Variants in SUV39H2 observed in about 807,000 individuals in gnomAD.
SUV39H2 encodes the protein SUV39H2 histone lysine methyltransferase, also known as histone-lysine N-methyltransferase SUV39H2.
SUV39H2 carries 10 observed loss-of-function variants against 47.5 expected under a neutral mutation model. The observed-to-expected ratio is 0.21, with a 90% CI of 0.13 to 0.36. The LOEUF (loss-of-function observed/expected upper bound fraction) is 0.36. SUV39H2 is among the 10% of genes least tolerant of loss of function. SUV39H2 has a pLI of 1.00. For synonymous variants in SUV39H2, 159 were observed against 166.8 expected, an observed-to-expected ratio of 0.95 and a Z score of 0.36; for missense variants, 266 against 487.4, an observed-to-expected ratio of 0.55 and a Z score of 4.28.
At chr10:14,895,232 A>G (rs1400945944) in intron 2 of SUV39H2, among the ~76,000 whole-genome samples, 1 of 149,626 alleles carries the variant, frequency 6.7e-6, no homozygotes, top group Non-Finnish European at 1.5e-5. Context: ...GCTGGAGTGC[A>G]GTGGCACAGT....
At chr10:14,879,137 G>A in intron 1 of SUV39H2, 1 of 1,242,748 alleles carries the variant, frequency 8.0e-7, no homozygotes, top group Middle Eastern at 3.2e-4. Flanking sequence ...GGTGGGCACT[G>A]TCCGAGCCTG....
intron 2 of SUV39H2, 26 bp downstream of exon 2, chr10:14,881,671 A>G: frequency 1.4e-6 from 2 of 1,468,454 alleles, no homozygotes; most frequent in South Asian, 1.5e-5. Context: ...AGCCCCTTAC[A>G]AGAGACCTAA....
chr10:14,895,265 C>G (rs927324049), intron 2 of SUV39H2, among the ~76,000 whole-genome samples: 6 of 151,840 alleles, frequency 4.0e-5, no homozygotes, highest in African/African-American at 1.5e-4. Flanking sequence ...CAACCTCCTC[C>G]TCCTGGGTTC....
intron 2 of SUV39H2, among the ~76,000 whole-genome samples, chr10:14,888,462 C>T (rs551195966): frequency 2.0e-5 from 3 of 151,750 alleles, no homozygotes; most frequent in Admixed American, 1.3e-4. Flanking sequence ...GGTGAAACCC[C>T]GTCTCTACTA....
At chr10:14,902,368 ACTCT>A in intron 5 of SUV39H2, 34 bp from the exon 6 acceptor site, 1 of 1,393,218 alleles carries the variant, frequency 7.2e-7, no homozygotes, top group Non-Finnish European at 9.9e-7. Flanking sequence ...AATTGTCTTA[ACTCT>A]CTTTCTCCTA....
rs574390266 is a variant in SUV39H2 at position 14,884,775 on chromosome 10, G to A, written c.177+3130G>A. The stretch of plus-strand genomic sequence containing the variant: ...CTCTCGTCTATGGAGAAATTGTCTA[G>A]GTTTAACATTTGCCCCTTATTTATA... On this transcript the variant is annotated intron_variant, in intron 2 of 5. Coordinates refer to ENST00000354919, the MANE Select transcript of SUV39H2 (RefSeq NM_001193424.2). Among the ~76,000 whole-genome samples the A allele has an allele frequency of 4.6e-5, 7 of 152,260 alleles. No individual in the cohort carries two copies. In the South Asian group the frequency reaches 1.2e-3, roughly 27 times the overall value.
chr10:14,882,574 C>T (rs1833071279), intron 2 of SUV39H2, among the ~76,000 whole-genome samples: 1 of 152,220 alleles, frequency 6.6e-6, no homozygotes, highest in Admixed American at 6.5e-5. Context: ...TGCATATCAG[C>T]CCCATTATAA....
intron 3 of SUV39H2, chr10:14,898,784 C>T (rs1833785248): frequency 6.4e-6 from 1 of 155,702 alleles, no homozygotes; most frequent in Non-Finnish European, 1.4e-5. Flanking sequence ...ACATATTCTA[C>T]AAAAACAAAA....
intron 2 of SUV39H2, among the ~76,000 whole-genome samples, chr10:14,887,714 A>G (rs959916451): frequency 1.3e-5 from 2 of 152,172 alleles, no homozygotes; most frequent in Non-Finnish European, 1.5e-5. Flanking sequence ...GACTGATGTG[A>G]GGGTACGGTC....
intron 2 of SUV39H2, among the ~76,000 whole-genome samples, chr10:14,887,990 G>A (rs1442836419): frequency 6.6e-6 from 1 of 152,178 alleles, no homozygotes; most frequent in Non-Finnish European, 1.5e-5. Flanking sequence ...GGTGTGAGTG[G>A]AACAGAGCAA....
chr10:14,881,262 GAT>G (rs969149066), intron 1 of SUV39H2, among the ~76,000 whole-genome samples: 8 of 152,164 alleles, frequency 5.3e-5, no homozygotes, highest in Non-Finnish European at 1.0e-4. Context: ...GAAATTAACT[GAT>G]GTCAGTTAAA....
intron 2 of SUV39H2, among the ~76,000 whole-genome samples, chr10:14,883,103 A>G (rs1397931020): frequency 1.3e-5 from 2 of 151,800 alleles, no homozygotes; most frequent in Non-Finnish European, 2.9e-5. Flanking sequence ...TCCTGACCTC[A>G]TGATCTGCCC....
Position 14,902,598 on chromosome 10 carries a change from A to G in SUV39H2, c.*86A>G, listed in dbSNP as rs776556537. 4.5e-5 allele frequency: 36 copies of G among 805,086 alleles called. No individual in the cohort carries two copies. Among genetic ancestry groups the G allele is most frequent in the Non-Finnish European group, 6.2e-5 (33 of 533,354 alleles). The allele number at this position is 805,086 out of a possible 1,614,324, so 49.9% of individuals were successfully genotyped here. On this transcript the variant is annotated 3_prime_UTR_variant, in exon 6 of 6. Transcript: ENST00000354919. The stretch of plus-strand genomic sequence containing the variant: ...AAAATACATATTTGGGACTCTTATT[A>G]TCAAGGTTCTACCTATGTTAATTTA...
rs1834186690 is a variant in SUV39H2, at chr10:14,903,962, T to A, written c.*1450T>A. 6.6e-6 allele frequency: 1 copy of A among 152,166 alleles called. No individual in the cohort carries two copies. The highest frequency in any genetic ancestry group is 1.5e-5 in the Non-Finnish European group (1 of 68,042). 9.4% of individuals were successfully genotyped at this position (152,166 alleles called of 1,614,324 possible). ...CTTCACTCTTTCATAATATATAGGA[T>A]AAATTGTTTACATGATTGGACCCTC... On this transcript the variant is annotated 3_prime_UTR_variant, in exon 6 of 6. Transcript: ENST00000354919.
At position 14,897,167 on chromosome 10, in the gene SUV39H2, T is replaced by A; in HGVS notation, c.499T>A (p.Ser167Thr). 1 of 1,613,818 alleles carries A rather than the reference T, an allele frequency of 6.2e-7. No individual in the cohort carries two copies. The highest frequency in any genetic ancestry group is 1.1e-5 in the South Asian group (1 of 91,068). The change falls in exon 3 of 6, where the codon TCA becomes ACA. Residue 167 changes from serine to threonine, a missense_variant. This residue lies in a region of SUV39H2 where 91 missense variants were observed against 110.9 expected (regional missense o/e 0.82). Transcript: ENST00000354919. Reference protein sequence around the residue: ...ENTVDLEGPPSDFYYINEYKP... With the variant: ...ENTVDLEGPPTDFYYINEYKP... ...TACTGTTGATTTAGAGGGCCCACCTTCAGACTTCTATTACATTAACGAATA... is the reference window on the plus strand; with the variant it reads ...TACTGTTGATTTAGAGGGCCCACCTACAGACTTCTATTACATTAACGAATA...
chr10:14,899,423 C>T, intron 3 of SUV39H2, 116 bp from the exon 4 acceptor site: 1 of 1,107,172 alleles, frequency 9.0e-7, no homozygotes, highest in Non-Finnish European at 1.3e-6. Context: ...GCTTTGATGA[C>T]ACCTGAATTT....
chr10:14,884,416 C>T (rs1347199827), intron 2 of SUV39H2, among the ~76,000 whole-genome samples: 1 of 152,184 alleles, frequency 6.6e-6, no homozygotes, highest in Admixed American at 6.5e-5. Context: ...ATTTTTCTGA[C>T]TAATGATACT....
In SUV39H2 at chr10:14,901,000, C is replaced by T. The variant is rs146661614; in HGVS notation, c.997-133C>T. Reference sequence around the variant, plus strand: ...TTTTAAATGTGCATGCCTCAAAGACCTCTAAGCAATAAGCAACTTAATTTC... The same window carrying T: ...TTTTAAATGTGCATGCCTCAAAGACTTCTAAGCAATAAGCAACTTAATTTC... On this transcript the variant is annotated intron_variant, in intron 4 of 5. Coordinates refer to ENST00000354919, the MANE Select transcript of SUV39H2 (RefSeq NM_001193424.2). 1,317 of 1,212,004 alleles carry T rather than the reference C, an allele frequency of 1.1e-3. 1 individual carries two copies. The highest frequency in any genetic ancestry group is 1.4e-3 in the Non-Finnish European group (1,199 of 870,522). The allele number at this position is 1,212,004 out of a possible 1,614,324, so 75.1% of individuals were successfully genotyped here.
chr10:14,881,045 C>T (rs1564333135), intron 1 of SUV39H2, among the ~76,000 whole-genome samples: 1 of 152,080 alleles, frequency 6.6e-6, no homozygotes, highest in East Asian at 1.9e-4. Context: ...ATGAAAGTTA[C>T]GTGTTAACAA....
Sources: gnomAD v4.1 joint callset for allele counts (sites outside exome capture counted in the v4.1 genomes callset) on GRCh38, gnomAD v4.1.1 for gene constraint, gnomAD v4.1.1 regional missense constraint, MANE v1.5 for transcripts, NCBI Gene and HGNC (gene_info 2026-07-23, HGNC 2026-07-21) for gene names.